Variants in GPHN observed in about 807,000 individuals in gnomAD.
GPHN encodes the protein gephyrin.
GPHN carries 17 observed loss-of-function variants against 95.5 expected under a neutral mutation model. That is an observed-to-expected ratio of 0.18 (90% CI 0.12 to 0.27). The LOEUF is 0.27. Ranked by LOEUF, GPHN falls within the 10% of genes least tolerant of loss-of-function variation. GPHN has a pLI of 1.00. For synonymous variants in GPHN, 320 were observed against 322.5 expected, an observed-to-expected ratio of 0.99 and a Z score of 0.08; for missense variants, 660 against 978.1, an observed-to-expected ratio of 0.67 and a Z score of 4.34.
At chr14:66,962,193 C>CT (rs2068999003) in intron 8 of GPHN, among the ~76,000 whole-genome samples, 2 of 151,020 alleles carry the variant, frequency 1.3e-5, no homozygotes, top group South Asian at 4.2e-4. Flanking sequence ...TCTTCATAAT[C>CT]TAATTCTTCA....
intron 1 of GPHN, among the ~76,000 whole-genome samples, chr14:66,533,171 T>C (rs2059011208): frequency 6.6e-6 from 1 of 152,246 alleles, no homozygotes; most frequent in African/African-American, 2.4e-5. Flanking sequence ...TCTCTGCCTA[T>C]GGCTATTTCA....
At chr14:67,162,443 C>G (rs959303532) in intron 19 of GPHN, among the ~76,000 whole-genome samples, 1 of 152,134 alleles carries the variant, frequency 6.6e-6, no homozygotes, top group Non-Finnish European at 1.5e-5. Flanking sequence ...ATAAAACACA[C>G]AAATACAATC....
intron 9 of GPHN, among the ~76,000 whole-genome samples, chr14:66,974,204 G>C (rs898698228): frequency 1.3e-5 from 2 of 152,154 alleles, no homozygotes; most frequent in Non-Finnish European, 2.9e-5. Context: ...GCACTACCTA[G>C]TATGGGAAAG....
At chr14:66,935,215 A>G (rs1364940472) in intron 8 of GPHN, among the ~76,000 whole-genome samples, 4 of 152,172 alleles carry the variant, frequency 2.6e-5, no homozygotes, top group Non-Finnish European at 5.9e-5. Context: ...AGAATTTAAG[A>G]CAAAGAGGGA....
At chr14:67,341,090 C>T in the GPHN span, among the ~76,000 whole-genome samples, 2 of 152,220 alleles carry the variant, frequency 1.3e-5, no homozygotes, top group Admixed American at 6.5e-5. Context: ...TCTGCCCAGC[C>T]GCCACCCGGT....
At chr14:66,852,851 A>G (rs1424039685) in intron 4 of GPHN, among the ~76,000 whole-genome samples, 1 of 152,226 alleles carries the variant, frequency 6.6e-6, no homozygotes, top group East Asian at 1.9e-4. Flanking sequence ...TGACTAAAGC[A>G]AATATGTGAT....
At chr14:67,630,461 G>A in the GPHN span, among the ~76,000 whole-genome samples, 2,334 of 152,320 alleles carry the variant, frequency 0.015, 70 homozygotes, top group African/African-American at 0.053. Flanking sequence ...GGCAAAGGCA[G>A]TTCTCTTCCC....
chr14:67,191,737 A>C, the GPHN span, among the ~76,000 whole-genome samples: 1 of 152,236 alleles, frequency 6.6e-6, no homozygotes, highest in Non-Finnish European at 1.5e-5. Flanking sequence ...TCTAGAGAGC[A>C]GCTGAAGTGG....
the GPHN span, among the ~76,000 whole-genome samples, chr14:67,526,208 A>G: frequency 6.6e-6 from 1 of 152,378 alleles, no homozygotes; most frequent in South Asian, 2.1e-4. Context: ...GCTCACTTCT[A>G]CATAAGCAAA....
chr14:66,700,396 G>C (rs2068446054), intron 2 of GPHN, among the ~76,000 whole-genome samples: 1 of 152,138 alleles, frequency 6.6e-6, no homozygotes, highest in South Asian at 2.1e-4. Flanking sequence ...GTAGATTTGT[G>C]ATTTAGATTT....
chr14:66,689,192 T>G (rs1442480316), intron 2 of GPHN, among the ~76,000 whole-genome samples: 2 of 152,212 alleles, frequency 1.3e-5, no homozygotes, highest in Non-Finnish European at 2.9e-5. Context: ...ATATGGCTTT[T>G]GTTGTGTTGA....
chr14:67,395,955 C>T, the GPHN span, among the ~76,000 whole-genome samples: 1 of 152,166 alleles, frequency 6.6e-6, no homozygotes, highest in South Asian at 2.1e-4. Flanking sequence ...AACCCCAGCT[C>T]TGCCACTTGG....
intron 5 of GPHN, among the ~76,000 whole-genome samples, chr14:66,897,744 A>T (rs1467750656): frequency 6.6e-6 from 1 of 152,126 alleles, no homozygotes; most frequent in African/African-American, 2.4e-5. Flanking sequence ...GTTGAAGGAC[A>T]TCTGGGTTGT....
At chr14:67,471,175 A>C in the GPHN span, 88,661 of 152,084 alleles carry the variant, frequency 0.58, 27,952 homozygotes, top group African/African-American at 0.84. Context: ...CACTTGGGAA[A>C]GTATAGGACC....
the GPHN span, among the ~76,000 whole-genome samples, chr14:67,621,941 A>G: frequency 5.3e-5 from 8 of 152,148 alleles, no homozygotes; most frequent in East Asian, 7.8e-4. Context: ...TACTAAAAAT[A>G]CAAAAATTAG....
chr14:66,536,826 C>T (rs2059163396), intron 1 of GPHN, among the ~76,000 whole-genome samples: 1 of 152,090 alleles, frequency 6.6e-6, no homozygotes, highest in Non-Finnish European at 1.5e-5. Context: ...TTTTCCTGTT[C>T]TCTCAGTTTT....
intron 5 of GPHN, among the ~76,000 whole-genome samples, chr14:66,894,357 T>A (rs950038070): frequency 6.6e-6 from 1 of 152,048 alleles, no homozygotes; most frequent in Non-Finnish European, 1.5e-5. Context: ...ATACAAAAAT[T>A]AATTCAAGAT....
At chr14:67,122,483 A>G in intron 17 of GPHN, 106 bp downstream of exon 17, 1 of 938,856 alleles carries the variant, frequency 1.1e-6, no homozygotes, top group Non-Finnish European at 1.7e-6. Context: ...TTAATGTCAT[A>G]ATTTTCACTT....
chr14:67,464,958 C>T, the GPHN span, among the ~76,000 whole-genome samples: 32 of 152,316 alleles, frequency 2.1e-4, 1 homozygote, highest in African/African-American at 6.7e-4. Context: ...AGTGAGCCAT[C>T]GGAGTTGTCG....
Sources: gnomAD v4.1 joint callset for allele counts (sites outside exome capture counted in the v4.1 genomes callset) on GRCh38, gnomAD v4.1.1 for gene constraint, MANE v1.5 for transcripts, NCBI Gene and HGNC (gene_info 2026-07-23, HGNC 2026-07-21) for gene names.